The following COMMD10 variants were observed in gnomAD, a reference collection of about 807,000 sequenced individuals.
COMMD10 encodes COMM domain-containing protein 10.
Under a neutral mutation model 28.9 loss-of-function variants are expected in COMMD10, and 33 were observed. The ratio of observed to expected loss-of-function variants is 1.14; its 90% CI spans 0.87 to 1.53. The LOEUF (loss-of-function observed/expected upper bound fraction) is 1.53, where lower values mean the gene tolerates loss of function less well. Among genes scored for constraint, COMMD10 ranks in the 40% most tolerant of loss-of-function variants. COMMD10 has a pLI of 0.00. For missense variants in COMMD10, 310 were observed against 233.4 expected (o/e 1.33, Z -2.14); for synonymous variants, 110 against 81.7 (o/e 1.35, Z -1.87).
intron 5 of COMMD10, among the ~76,000 whole-genome samples, chr5:116,267,681 T>G (rs1427456275): frequency 6.6e-6 from 1 of 151,718 alleles, no homozygotes; most frequent in Non-Finnish European, 1.5e-5. Context: ...AGGCATCACA[T>G]TACCTGACTT....
At chr5:116,112,110 A>G (rs966509893) in intron 4 of COMMD10, among the ~76,000 whole-genome samples, 9 of 152,164 alleles carry the variant, frequency 5.9e-5, no homozygotes, top group African/African-American at 1.7e-4. Flanking sequence ...ACTTTTGACA[A>G]ATTCTCTTAG....
chr5:116,264,539 G>T (rs980629879), intron 5 of COMMD10, among the ~76,000 whole-genome samples: 5 of 151,686 alleles, frequency 3.3e-5, no homozygotes, highest in African/African-American at 1.2e-4. Context: ...TGATGCGAGC[G>T]CATTAACTAC....
intron 5 of COMMD10, among the ~76,000 whole-genome samples, chr5:116,193,079 G>C (rs1748412306): frequency 6.6e-6 from 1 of 152,144 alleles, no homozygotes; most frequent in Non-Finnish European, 1.5e-5. Context: ...ATATATAAAG[G>C]AAAGATAGTC....
At chr5:116,125,500 A>C (rs1165668873) in intron 4 of COMMD10, among the ~76,000 whole-genome samples, 1 of 151,588 alleles carries the variant, frequency 6.6e-6, no homozygotes, top group African/African-American at 2.4e-5. Flanking sequence ...CTTTGTTTCA[A>C]CTCTGGTGAA....
intron 4 of COMMD10, among the ~76,000 whole-genome samples, chr5:116,112,318 A>G (rs568584619): frequency 6.6e-6 from 1 of 152,296 alleles, no homozygotes; most frequent in East Asian, 1.9e-4. Flanking sequence ...ATATCAATCA[A>G]TATCTTTTTC....
intron 5 of COMMD10, among the ~76,000 whole-genome samples, chr5:116,149,932 A>G (rs11241367): frequency 0.5 from 75,204 of 151,638 alleles, 21,643 homozygotes; most frequent in Non-Finnish European, 0.65. Flanking sequence ...GTCGTTGCCC[A>G]TGCCTATGTC....
chr5:116,086,724 T>G (rs1181350969), intron 1 of COMMD10, among the ~76,000 whole-genome samples: 1 of 152,136 alleles, frequency 6.6e-6, no homozygotes, highest in Non-Finnish European at 1.5e-5. Context: ...CCTTGCAAAG[T>G]GCTGGGATTA....
chr5:116,169,887 G>A lies in COMMD10; in HGVS notation c.510+35709G>A, dbSNP rs111702858. ...ACATACCCACAGCCAATATCATACTGAATGGGCAAAAGCTGGAAGTATTTT... is the reference window on the plus strand; with the variant it reads ...ACATACCCACAGCCAATATCATACTAAATGGGCAAAAGCTGGAAGTATTTT... On this transcript the variant is annotated intron_variant, in intron 5 of 6. Coordinates refer to ENST00000274458, the MANE Select transcript of COMMD10 (RefSeq NM_016144.4). Among the ~76,000 whole-genome samples, 179 of 152,182 alleles carry A rather than the reference G, an allele frequency of 1.2e-3. 1 individual carries two copies. The highest frequency in any genetic ancestry group is 4.1e-3 in the African/African-American group (171 of 41,528).
intron 2 of COMMD10, 42 bp from the exon 3 acceptor site, chr5:116,091,037 C>T: frequency 8.2e-7 from 1 of 1,214,736 alleles, no homozygotes; most frequent in Non-Finnish European, 1.2e-6. Flanking sequence ...TTTTGAATGC[C>T]TGAATATGTG....
intron 5 of COMMD10, among the ~76,000 whole-genome samples, chr5:116,192,093 A>G (rs796783607): frequency 4.5e-4 from 68 of 152,226 alleles, no homozygotes; most frequent in African/African-American, 1.3e-3. Context: ...ACAGGAAGCC[A>G]CGTCCATAGG....
intron 4 of COMMD10, among the ~76,000 whole-genome samples, chr5:116,124,787 C>G (rs368387011): frequency 6.6e-6 from 1 of 152,234 alleles, no homozygotes; most frequent in East Asian, 1.9e-4. Flanking sequence ...GGATAGTTAG[C>G]TCTTCTTGTT....
At chr5:116,202,193 A>G (rs552489961) in intron 5 of COMMD10, among the ~76,000 whole-genome samples, 2 of 152,098 alleles carry the variant, frequency 1.3e-5, no homozygotes, top group East Asian at 1.9e-4. Context: ...AATTTCATCC[A>G]TGTCCCTACA....
chr5:116,184,003 G>A (rs532674679), intron 5 of COMMD10, among the ~76,000 whole-genome samples: 128 of 152,132 alleles, frequency 8.4e-4, no homozygotes, highest in African/African-American at 2.9e-3. Flanking sequence ...TCAGTCATCC[G>A]TTAAGGGTTA....
chr5:116,286,584 T>C (rs76342635), intron 5 of COMMD10, among the ~76,000 whole-genome samples: 1 of 151,724 alleles, frequency 6.6e-6, no homozygotes, highest in African/African-American at 2.4e-5. Context: ...TCTTAAGATA[T>C]TTCCCAGTTC....
At chr5:116,208,039 G>A (rs1748860977) in intron 5 of COMMD10, among the ~76,000 whole-genome samples, 1 of 152,074 alleles carries the variant, frequency 6.6e-6, no homozygotes, top group South Asian at 2.1e-4. Flanking sequence ...TTCTGTTCTT[G>A]GTTGTGGTTG....
intron 5 of COMMD10, among the ~76,000 whole-genome samples, chr5:116,215,157 T>G (rs78239163): frequency 0.012 from 1,806 of 152,200 alleles, 40 homozygotes; most frequent in African/African-American, 0.04. Flanking sequence ...TCTCTCATTT[T>G]AAGGTATTAG....
chr5:116,097,339 G>T (rs150962834), intron 4 of COMMD10, among the ~76,000 whole-genome samples: 11 of 152,280 alleles, frequency 7.2e-5, no homozygotes, highest in African/African-American at 2.4e-4. Context: ...TTGTGGGTCA[G>T]ATGTTATAAT....
chr5:116,144,362 GATA>G (rs1053745931), intron 5 of COMMD10, among the ~76,000 whole-genome samples: 4 of 151,900 alleles, frequency 2.6e-5, no homozygotes, highest in Non-Finnish European at 4.4e-5. Flanking sequence ...AGAGAGAGAA[GATA>G]ATAATTCTCA....
In COMMD10 at chr5:116,292,450, G is replaced by C. The variant is rs1310011689; in HGVS notation, c.571-1G>C. On this transcript the variant is annotated splice_acceptor_variant, in intron 6 of 6. Transcript: ENST00000274458. LOFTEE classifies it high-confidence loss of function. ...TTTTTTTTTTTTGTCTTTGTAAATA[G>C]CTAGAGACTATACAAGCACAGCTGG... 6.6e-7 allele frequency: 1 copy of C among 1,523,666 alleles called. No homozygotes were observed. The highest frequency in any genetic ancestry group is 8.8e-7 in the Non-Finnish European group (1 of 1,134,548). 94.4% of individuals were successfully genotyped at this position (1,523,666 alleles called of 1,614,324 possible). A position where few individuals can be genotyped will look rare whatever the true frequency, so the allele number is the denominator to read the frequency against.
Sources: gnomAD v4.1 joint callset for allele counts (sites outside exome capture counted in the v4.1 genomes callset) on GRCh38, gnomAD v4.1.1 for gene constraint, MANE v1.5 for transcripts, NCBI Gene and HGNC (gene_info 2026-07-23, HGNC 2026-07-21) for gene names.